Variants in NELL1 observed in about 807,000 individuals in gnomAD.
NELL1 encodes the protein neural EGFL like 1.
In NELL1, 76 loss-of-function variants were observed where a neutral mutation model predicts 107.4. That is an observed-to-expected ratio of 0.71 (90% confidence interval 0.59 to 0.86). The LOEUF (loss-of-function observed/expected upper bound fraction) is 0.86, where lower values mean the gene tolerates loss of function less well. NELL1 is among the 40% of genes least tolerant of loss of function. The pLI is 0.00. For synonymous variants in NELL1, 353 were observed against 341.2 expected, an observed-to-expected ratio of 1.03 and a Z score of -0.38; for missense variants, 1,024 against 1,005.5, an observed-to-expected ratio of 1.02 and a Z score of -0.25.
At chr11:21,326,236 G>C (rs1040277409) in intron 14 of NELL1, among the ~76,000 whole-genome samples, 1 of 147,168 alleles carries the variant, frequency 6.8e-6, no homozygotes, top group African/African-American at 2.5e-5. Context: ...TGGATGAACA[G>C]AATAGTTTTT....
At chr11:21,140,115 G>A (rs143335678) in intron 13 of NELL1, among the ~76,000 whole-genome samples, 1 of 152,184 alleles carries the variant, frequency 6.6e-6, no homozygotes, top group Non-Finnish European at 1.5e-5. Flanking sequence ...ACCGTGACTG[G>A]CAGATACACT....
chr11:20,969,051 C>G (rs1156665183), intron 12 of NELL1, among the ~76,000 whole-genome samples: 1 of 152,040 alleles, frequency 6.6e-6, no homozygotes, highest in Non-Finnish European at 1.5e-5. Flanking sequence ...TAATTATAAG[C>G]GTTTTACTTT....
At chr11:21,226,635 G>A (rs1013753544) in intron 13 of NELL1, among the ~76,000 whole-genome samples, 4 of 152,144 alleles carry the variant, frequency 2.6e-5, no homozygotes, top group African/African-American at 7.2e-5. Context: ...TAAAGTGAAG[G>A]TTGTGGAAAA....
At chr11:21,103,733 A>G (rs1254053092) in intron 12 of NELL1, among the ~76,000 whole-genome samples, 2 of 152,198 alleles carry the variant, frequency 1.3e-5, no homozygotes, top group Non-Finnish European at 2.9e-5. Flanking sequence ...TAGCTAGCTA[A>G]TGGAATCAGA....
chr11:21,345,374 T>C (rs1303420032), intron 14 of NELL1, among the ~76,000 whole-genome samples: 2 of 152,150 alleles, frequency 1.3e-5, no homozygotes, highest in Non-Finnish European at 2.9e-5. Flanking sequence ...TCTGACAACA[T>C]TAACATTAAT....
chr11:20,732,980 G>A lies in NELL1; in HGVS notation c.185-50700G>A, dbSNP rs149979696. ...TACATTCTAGTGGATTCAAACCCTC[G>A]CTTTGTTATTTTCCAGCTGGGTAAA... On this transcript the variant is annotated intron_variant, in intron 2 of 19. Transcript: ENST00000357134. Among the ~76,000 whole-genome samples, 565 of 152,150 alleles carry A rather than the reference G, an allele frequency of 3.7e-3. 1 individual carries two copies. The highest frequency in any genetic ancestry group is 6.3e-3 in the Non-Finnish European group (426 of 67,998).
chr11:20,708,370 T>C (rs1020670304), intron 2 of NELL1, among the ~76,000 whole-genome samples: 8 of 152,224 alleles, frequency 5.3e-5, no homozygotes, highest in Admixed American at 1.3e-4. Flanking sequence ...CCCAGTGAGA[T>C]GAACTGGGTA....
intron 13 of NELL1, among the ~76,000 whole-genome samples, chr11:21,180,726 G>A (rs1856809036): frequency 1.3e-5 from 2 of 151,630 alleles, no homozygotes; most frequent in African/African-American, 4.9e-5. Flanking sequence ...TTTCTGGTGA[G>A]TTTCCCTGTT....
chr11:20,993,522 T>C (rs1053482024), intron 12 of NELL1, among the ~76,000 whole-genome samples: 2 of 152,118 alleles, frequency 1.3e-5, no homozygotes, highest in African/African-American at 4.8e-5. Context: ...TATAGTAAAA[T>C]GTACATTCAT....
At position 20,918,715 on chromosome 11, in the gene NELL1, A is replaced by G. The variant is rs543748749; in HGVS notation, c.676+461A>G. 4.6e-5 allele frequency among the ~76,000 whole-genome samples: 7 copies of G among 152,106 alleles called. No homozygotes were observed. The South Asian group carries it at 1.0e-3, about 23-fold the overall frequency. ...TGGGAGTAACTGCCTTCATGATTCA[A>G]TTATTTCCAACTGGGTCCCTCCCAC... On this transcript the variant is annotated intron_variant, in intron 6 of 19. Transcript: ENST00000357134.
At chr11:21,487,163 A>G (rs1293704510) in intron 15 of NELL1, among the ~76,000 whole-genome samples, 1 of 152,222 alleles carries the variant, frequency 6.6e-6, no homozygotes, top group African/African-American at 2.4e-5. Context: ...TCTGTGACAC[A>G]TTATAGTCAA....
chr11:20,813,516 G>A (rs1032598477), intron 3 of NELL1, among the ~76,000 whole-genome samples: 3 of 152,100 alleles, frequency 2.0e-5, no homozygotes, highest in Non-Finnish European at 4.4e-5. Flanking sequence ...GTTCTGCTCC[G>A]ATTTGATTCT....
At position 20,722,623 on chromosome 11, in the gene NELL1, C is replaced by T. The variant is rs371868681; in HGVS notation, c.184+44563C>T. ...AAAGCTTTTAGCACAGTGGCAGGCT[C>T]ACAGTGAGAACACAATAAATATGAG... On this transcript the variant is annotated intron_variant, in intron 2 of 19. Coordinates refer to ENST00000357134, the MANE Select transcript of NELL1 (RefSeq NM_006157.5). Among the ~76,000 whole-genome samples the T allele has an allele frequency of 9.9e-5, 15 of 152,268 alleles. No homozygotes were observed. The South Asian group carries it at 3.1e-3, about 32-fold the overall frequency.
chr11:21,465,558 C>T (rs1479260205), intron 15 of NELL1, among the ~76,000 whole-genome samples: 1 of 152,028 alleles, frequency 6.6e-6, no homozygotes, highest in Non-Finnish European at 1.5e-5. Context: ...TCAATCGTCA[C>T]CTTATAAAAT....
At chr11:20,734,673 T>A (rs1316230806) in intron 2 of NELL1, among the ~76,000 whole-genome samples, 1 of 152,112 alleles carries the variant, frequency 6.6e-6, no homozygotes, top group African/African-American at 2.4e-5. Flanking sequence ...ATTTGAGAAA[T>A]CCATTAGATG....
At chr11:20,988,884 G>A (rs931093246) in intron 12 of NELL1, among the ~76,000 whole-genome samples, 1 of 151,972 alleles carries the variant, frequency 6.6e-6, no homozygotes, top group African/African-American at 2.4e-5. Context: ...CACCGTGCCC[G>A]GCCGAGGTTT....
At chr11:21,497,733 T>C (rs901034036) in intron 15 of NELL1, among the ~76,000 whole-genome samples, 39 of 152,210 alleles carry the variant, frequency 2.6e-4, no homozygotes, top group Admixed American at 1.6e-3. Flanking sequence ...TTCCTATACA[T>C]TTAGATCTAT....
At chr11:20,694,409 T>A (rs1466023307) in intron 2 of NELL1, among the ~76,000 whole-genome samples, 1 of 152,150 alleles carries the variant, frequency 6.6e-6, no homozygotes, top group African/African-American at 2.4e-5. Context: ...GTCTTATATT[T>A]AAATCTTTAA....
At chr11:21,368,348 G>T (rs1452977411) in intron 14 of NELL1, among the ~76,000 whole-genome samples, 1 of 115,536 alleles carries the variant, frequency 8.7e-6, no homozygotes, top group African/African-American at 3.6e-5. Context: ...GTGCAATTTA[G>T]GCATTGGTTT....
Sources: gnomAD v4.1 joint callset for allele counts (sites outside exome capture counted in the v4.1 genomes callset) on GRCh38, gnomAD v4.1.1 for gene constraint, MANE v1.5 for transcripts, NCBI Gene and HGNC (gene_info 2026-07-23, HGNC 2026-07-21) for gene names.